EDNRA: variants seen among roughly 807,000 people sequenced by gnomAD.
The protein encoded by EDNRA is endothelin receptor type A.
A neutral mutation model predicts 41.4 loss-of-function variants in EDNRA; 11 were observed. The observed-to-expected ratio is 0.27, with a 90% CI of 0.17 to 0.44. The LOEUF (loss-of-function observed/expected upper bound fraction) is 0.44. EDNRA is among the 20% of genes least tolerant of loss of function. The pLI, the probability that EDNRA is intolerant of heterozygous loss-of-function variation, is 1.00. For missense variants in EDNRA, 294 were observed against 531.0 expected (o/e 0.55, Z 4.39); for synonymous variants, 172 against 183.0 (o/e 0.94, Z 0.49).
At chr4:147,507,371 A>C (rs527243380) in intron 2 of EDNRA, among the ~76,000 whole-genome samples, 1 of 152,372 alleles carries the variant, frequency 6.6e-6, no homozygotes, top group East Asian at 1.9e-4. Flanking sequence ...GAAACAAGTC[A>C]CTGTTACACA....
chr4:147,527,414 T>A (rs916941687), intron 3 of EDNRA, among the ~76,000 whole-genome samples: 3 of 152,244 alleles, frequency 2.0e-5, no homozygotes, highest in Non-Finnish European at 2.9e-5. Context: ...GCCACGCCCG[T>A]GTAGAAACAT....
intron 3 of EDNRA, 119 bp downstream of exon 3, chr4:147,520,097 A>G: frequency 7.6e-7 from 1 of 1,307,522 alleles, no homozygotes; most frequent in Non-Finnish European, 1.1e-6. Flanking sequence ...CAAGTGAATT[A>G]AAGCATTAAC....
chr4:147,531,525 T>C (rs1283632185), intron 3 of EDNRA: 1 of 152,228 alleles, frequency 6.6e-6, no homozygotes, highest in African/African-American at 2.4e-5. Flanking sequence ...AACATATTAC[T>C]ATAACAAGTA....
rs10305923 is a variant in EDNRA at position 147,539,622 on chromosome 4, T to C, written c.901-195T>C. 0.02 allele frequency among the ~76,000 whole-genome samples: 3,043 copies of C among 152,142 alleles called. 113 individuals are homozygous for C. Among genetic ancestry groups the C allele is most frequent in the African/African-American group, 0.069 (2,862 of 41,488 alleles). ...CCTTCCTGGAAGCTGCCCAGAAGCA[T>C]CATTAGCAATTCCTTCGTTAGAACA... On this transcript the variant is annotated intron_variant, in intron 5 of 7. Coordinates refer to ENST00000651419, the MANE Select transcript of EDNRA (RefSeq NM_001957.4).
rs869077171 is a variant in EDNRA at position 147,505,327 on chromosome 4, A to ATTT, written c.421-14498_421-14496dup. 9.2e-4 allele frequency among the ~76,000 whole-genome samples: 73 copies of ATTT among 79,680 alleles called. 5 individuals carry two copies. The highest frequency in any genetic ancestry group is 2.5e-3 in the African/African-American group (48 of 18,894). 52.3% of individuals were successfully genotyped at this position (79,680 alleles called of 152,430 possible). ...AGAGAGTTTGGCAGTTTCTTTTTTC[A>ATTT]TTTTTTTTTTTTTTTTTTTTTTTTT... is the stretch of plus-strand genomic sequence containing the variant. On this transcript the variant is annotated intron_variant, in intron 2 of 7. Coordinates refer to ENST00000651419, the MANE Select transcript of EDNRA (RefSeq NM_001957.4).
At chr4:147,540,540 G>A (rs1731062844) in intron 7 of EDNRA, 55 bp downstream of exon 7, 3 of 1,240,812 alleles carry the variant, frequency 2.4e-6, no homozygotes, top group Non-Finnish European at 2.3e-6. Context: ...ATATTAAACA[G>A]TCAACAGACA....
chr4:147,539,006 A>G (rs1731008982), intron 5 of EDNRA, among the ~76,000 whole-genome samples: 1 of 152,160 alleles, frequency 6.6e-6, no homozygotes, highest in Admixed American at 6.5e-5. Context: ...GAATGGTTGC[A>G]GATAATTCCT....
At chr4:147,513,812 G>C (rs1170435052) in intron 2 of EDNRA, among the ~76,000 whole-genome samples, 1 of 152,204 alleles carries the variant, frequency 6.6e-6, no homozygotes, top group Non-Finnish European at 1.5e-5. Flanking sequence ...AGATGAAGGA[G>C]AGGAGAAGAA....
intron 1 of EDNRA, among the ~76,000 whole-genome samples, chr4:147,483,595 C>T (rs1478792195): frequency 6.6e-6 from 1 of 152,152 alleles, no homozygotes; most frequent in Non-Finnish European, 1.5e-5. Context: ...ATTTTATCCA[C>T]GTATTGGCCA....
In EDNRA at chr4:147,544,951, C is replaced by T. The variant is rs1438256163; in HGVS notation, c.*2333C>T. 1.3e-5 allele frequency: 2 copies of T among 152,588 alleles called. No homozygotes were observed. The highest frequency in any genetic ancestry group is 2.9e-5 in the Non-Finnish European group (2 of 68,026). 9.5% of individuals were successfully genotyped at this position (152,588 alleles called of 1,614,324 possible). A position where few individuals can be genotyped will look rare whatever the true frequency, so the allele number is the denominator to read the frequency against. On this transcript the variant is annotated 3_prime_UTR_variant, in exon 8 of 8. Coordinates refer to ENST00000651419, the MANE Select transcript of EDNRA (RefSeq NM_001957.4). ...GTGTAAAATAAAAGTTTACAGAAACCTTGCAAGTGTCTCTTCATTTTTATG... is the reference window on the plus strand; with the variant it reads ...GTGTAAAATAAAAGTTTACAGAAACTTTGCAAGTGTCTCTTCATTTTTATG...
At chr4:147,523,478 T>G (rs932038749) in intron 3 of EDNRA, among the ~76,000 whole-genome samples, 2 of 105,066 alleles carry the variant, frequency 1.9e-5, no homozygotes, top group Non-Finnish European at 3.6e-5. Flanking sequence ...TTTGTTGTTG[T>G]TGTTTTTTTG....
chr4:147,520,960 T>A (rs989814145), intron 3 of EDNRA, among the ~76,000 whole-genome samples: 1 of 152,198 alleles, frequency 6.6e-6, no homozygotes, highest in African/African-American at 2.4e-5. Flanking sequence ...GGTATCCTTG[T>A]TATAAATTTA....
chr4:147,497,776 G>A (rs1227975525), intron 2 of EDNRA, among the ~76,000 whole-genome samples: 3 of 152,130 alleles, frequency 2.0e-5, no homozygotes, highest in African/African-American at 7.2e-5. Context: ...GTTTCACCGT[G>A]TTAGCCAGGA....
Position 147,485,476 on chromosome 4 carries a change from G to A in EDNRA, c.-70-136G>A, listed in dbSNP as rs184026537. 316 of 655,872 alleles carry A rather than the reference G, an allele frequency of 4.8e-4. 1 individual carries two copies. In the African/African-American group the frequency reaches 5.5e-3, roughly 11 times the overall value. 40.6% of individuals were successfully genotyped at this position (655,872 alleles called of 1,614,324 possible). ...TTTTTCTGGTTTTGCTCTGTCATAG[G>A]GTAACCTGATATACATATATCTTAT... On this transcript the variant is annotated intron_variant, in intron 1 of 7. Transcript: ENST00000651419.
chr4:147,506,237 A>G, intron 2 of EDNRA: 1 of 515,832 alleles, frequency 1.9e-6, no homozygotes. Flanking sequence ...TTGGCCGAAA[A>G]GCAGCTTCAG....
chr4:147,526,746 A>G (rs1194094508), intron 3 of EDNRA, among the ~76,000 whole-genome samples: 1 of 152,180 alleles, frequency 6.6e-6, no homozygotes, highest in African/African-American at 2.4e-5. Flanking sequence ...GGAATTCAAG[A>G]CTACCCTGGG....
At chr4:147,511,838 C>T (rs2126433524) in intron 2 of EDNRA, among the ~76,000 whole-genome samples, 1 of 152,274 alleles carries the variant, frequency 6.6e-6, no homozygotes, top group Admixed American at 6.5e-5. Flanking sequence ...TATTGTCTGT[C>T]CGGGTCAAAG....
intron 2 of EDNRA, among the ~76,000 whole-genome samples, chr4:147,516,816 C>T (rs1730131397): frequency 6.6e-6 from 1 of 152,046 alleles, no homozygotes; most frequent in Admixed American, 6.5e-5. Flanking sequence ...GATGTATTCT[C>T]TTAAACAGTT....
intron 3 of EDNRA, among the ~76,000 whole-genome samples, chr4:147,522,739 T>C (rs1300874171): frequency 6.6e-6 from 1 of 152,148 alleles, no homozygotes; most frequent in Non-Finnish European, 1.5e-5. Flanking sequence ...CCATTGTTGA[T>C]GAAGAAAGCC....
Sources: gnomAD v4.1 joint callset for allele counts (sites outside exome capture counted in the v4.1 genomes callset) on GRCh38, gnomAD v4.1.1 for gene constraint, MANE v1.5 for transcripts, NCBI Gene and HGNC (gene_info 2026-07-23, HGNC 2026-07-21) for gene names.